The following RAPGEF4 variants were observed in gnomAD, a reference collection of about 807,000 sequenced individuals.
RAPGEF4 encodes the protein RAP guanine-nucleotide-exchange factor (GEF) 4.
Under a neutral mutation model 147.9 loss-of-function variants are expected in RAPGEF4, and 66 were observed. The ratio of observed to expected loss-of-function variants is 0.45; its 90% confidence interval spans 0.37 to 0.55. The LOEUF is 0.55. RAPGEF4 is among the 20% of genes least tolerant of loss of function. The pLI, the probability that RAPGEF4 is intolerant of heterozygous loss-of-function variation, is 0.00. For synonymous variants in RAPGEF4, 419 were observed against 442.7 expected, an observed-to-expected ratio of 0.95 and a Z score of 0.67; for missense variants, 1,071 against 1,257.3, an observed-to-expected ratio of 0.85 and a Z score of 2.24.
intron 4 of RAPGEF4, among the ~76,000 whole-genome samples, chr2:172,913,626 C>G (rs1683697997): frequency 6.6e-6 from 1 of 152,142 alleles, no homozygotes; most frequent in Non-Finnish European, 1.5e-5. Flanking sequence ...TATATAAGCT[C>G]TTATTTTCTC....
intron 10 of RAPGEF4, among the ~76,000 whole-genome samples, chr2:172,976,644 G>T (rs1007223855): frequency 6.6e-6 from 1 of 152,148 alleles, no homozygotes; most frequent in Non-Finnish European, 1.5e-5. Flanking sequence ...TTGTACCAAG[G>T]TCTGCTAGGT....
At chr2:172,961,250 G>C (rs1342506806) in intron 8 of RAPGEF4, 22 bp downstream of exon 8, 9 of 1,497,988 alleles carry the variant, frequency 6.0e-6, no homozygotes, top group African/African-American at 1.4e-5. Context: ...AATTCTAAAG[G>C]CTGTGCCCCG....
At chr2:172,778,138 G>T (rs116682609) in intron 1 of RAPGEF4, among the ~76,000 whole-genome samples, 1,577 of 152,248 alleles carry the variant, frequency 0.01, 30 homozygotes, top group African/African-American at 0.036. Flanking sequence ...AGTATGCGTG[G>T]TTCAATAACA....
chr2:173,006,917 T>C (rs759436668), intron 17 of RAPGEF4, among the ~76,000 whole-genome samples: 6 of 152,224 alleles, frequency 3.9e-5, no homozygotes, highest in Non-Finnish European at 7.3e-5. Flanking sequence ...GGAATTTGCT[T>C]CTGCAGATAT....
At chr2:172,959,077 C>T (rs914667202) in intron 6 of RAPGEF4, among the ~76,000 whole-genome samples, 1 of 152,132 alleles carries the variant, frequency 6.6e-6, no homozygotes, top group African/African-American at 2.4e-5. Flanking sequence ...TAGTACAAAG[C>T]GTAATAATCT....
At chr2:172,910,930 T>A (rs1489686838) in intron 4 of RAPGEF4, among the ~76,000 whole-genome samples, 1 of 152,176 alleles carries the variant, frequency 6.6e-6, no homozygotes, top group East Asian at 1.9e-4. Context: ...AACTAGATGG[T>A]CCCTATTGAT....
At chr2:172,978,644 G>C (rs534961463) in intron 10 of RAPGEF4, among the ~76,000 whole-genome samples, 1 of 152,280 alleles carries the variant, frequency 6.6e-6, no homozygotes, top group East Asian at 1.9e-4. Context: ...CTGCCCTCTG[G>C]GCTGATTGAC....
At position 172,961,194 on chromosome 2, in the gene RAPGEF4, A is replaced by G. The variant is rs1269802379; in HGVS notation, c.664A>G (p.Ile222Val). The G allele has an allele frequency of 1.9e-6, 3 of 1,611,750 alleles. No individual in the cohort carries two copies. The highest frequency in any genetic ancestry group is 1.7e-5 in the Admixed American group (1 of 60,034). Residue 222 changes from isoleucine to valine, a missense_variant, in exon 8 of 31, where the codon ATA (isoleucine) becomes GTA (valine). Physicochemically the swap from Ile to Val is conservative, Grantham distance 29. Coordinates refer to ENST00000397081, the MANE Select transcript of RAPGEF4 (RefSeq NM_007023.4). ...NAILSRAPHM[I>V]RDRKYHLKTY... ...CATTCTCTCTCGAGCACCTCACATG[A>G]TAAGAGATAGAAAATACCACCTAAA...
At chr2:172,827,702 G>A (rs992527212) in intron 4 of RAPGEF4, among the ~76,000 whole-genome samples, 5 of 152,154 alleles carry the variant, frequency 3.3e-5, no homozygotes, top group African/African-American at 1.2e-4. Flanking sequence ...TTTGTCAAAT[G>A]GGGGTCAAAA....
At chr2:172,777,365 A>T (rs55747961) in intron 1 of RAPGEF4, among the ~76,000 whole-genome samples, 11,119 of 146,862 alleles carry the variant, frequency 0.076, 1,102 homozygotes, top group East Asian at 0.53. Context: ...ATAGTTATTT[A>T]AAAAAAAAAC....
chr2:173,033,694 G>A (rs2105991634), intron 26 of RAPGEF4, among the ~76,000 whole-genome samples: 1 of 152,274 alleles, frequency 6.6e-6, no homozygotes, highest in South Asian at 2.1e-4. Context: ...AGCATTCATA[G>A]TTACTTTTGG....
intron 18 of RAPGEF4, among the ~76,000 whole-genome samples, chr2:173,015,756 A>G (rs1044918273): frequency 6.6e-6 from 1 of 152,228 alleles, no homozygotes; most frequent in Non-Finnish European, 1.5e-5. Flanking sequence ...GGCATCAGAG[A>G]GTCCTGAGTT....
chr2:172,947,154 A>C (rs1434778592), intron 6 of RAPGEF4, among the ~76,000 whole-genome samples: 1 of 152,224 alleles, frequency 6.6e-6, no homozygotes, highest in Admixed American at 6.5e-5. Flanking sequence ...TCTAGGAAGA[A>C]TGTGATCATG....
intron 1 of RAPGEF4, among the ~76,000 whole-genome samples, chr2:172,781,124 A>G (rs1684641270): frequency 6.6e-6 from 1 of 152,268 alleles, no homozygotes; most frequent in Non-Finnish European, 1.5e-5. Context: ...AATAAAAGTT[A>G]TTTAACAATA....
chr2:172,917,364 C>A (rs138496047), intron 4 of RAPGEF4: 2 of 435,720 alleles, frequency 4.6e-6, no homozygotes, highest in South Asian at 3.3e-5. Flanking sequence ...TCTCAAGATG[C>A]GTTTCTTTTT....
intron 6 of RAPGEF4, among the ~76,000 whole-genome samples, chr2:172,956,037 A>T (rs979597967): frequency 3.3e-5 from 5 of 152,180 alleles, no homozygotes; most frequent in Admixed American, 3.3e-4. Context: ...ATTCTTTTCC[A>T]TGTTTCTCTG....
chr2:172,872,391 T>C (rs1326230478), intron 4 of RAPGEF4, among the ~76,000 whole-genome samples: 1 of 152,210 alleles, frequency 6.6e-6, no homozygotes, highest in Non-Finnish European at 1.5e-5. Flanking sequence ...TCAATCCAAC[T>C]GGGTAGTCTG....
At chr2:172,815,173 G>A (rs995725074) in intron 4 of RAPGEF4, among the ~76,000 whole-genome samples, 12 of 152,342 alleles carry the variant, frequency 7.9e-5, no homozygotes, top group Admixed American at 4.6e-4. Flanking sequence ...CCTTAGCTCA[G>A]TATGTCCAAG....
At position 172,990,825 on chromosome 2, in the gene RAPGEF4, A is replaced by G; in HGVS notation, c.1390A>G (p.Thr464Ala). Residue 464 changes from threonine (T) to alanine (A), a missense_variant, in exon 15 of 31, where the codon ACA becomes GCA. Thr to Ala is a moderately conservative substitution (Grantham distance 58). Transcript: ENST00000397081. ...NRILRDVEAN[T>A]VRLKEHDQDV... ...GTATTTGCAGGACGTGGAGGCGAAT[A>G]CAGTCAGACTTAAAGAACATGACCA... is the stretch of plus-strand genomic sequence containing the variant. 2 of 1,613,792 alleles carry G rather than the reference A, an allele frequency of 1.2e-6. No homozygotes were observed. Among genetic ancestry groups the G allele is most frequent in the Non-Finnish European group, 1.7e-6 (2 of 1,179,762 alleles).
Sources: allele counts gnomAD v4.1 joint callset (sites outside exome capture counted in the v4.1 genomes callset), GRCh38; gene constraint gnomAD v4.1.1; transcripts MANE v1.5; gene names NCBI Gene and HGNC (gene_info 2026-07-23, HGNC 2026-07-21).